RUNX1: variants seen among roughly 807,000 people sequenced by gnomAD.
RUNX1 encodes the protein RUNX family transcription factor 1.
Under a neutral mutation model 42.8 loss-of-function variants are expected in RUNX1, and 19 were observed. That is an observed-to-expected ratio of 0.44 (90% CI 0.31 to 0.65). RUNX1 has a LOEUF of 0.65. Ranked by LOEUF, RUNX1 falls within the 30% of genes least tolerant of loss-of-function variation. The probability of loss-of-function intolerance (pLI) is 0.07; values close to 1 mark genes in which losing one functional copy is unlikely to be tolerated. For missense variants in RUNX1, 528 were observed against 672.0 expected (o/e 0.79, Z 2.37); for synonymous variants, 271 against 289.4 (o/e 0.94, Z 0.64).
chr21:34,860,002 A>C (rs2057549704), intron 5 of RUNX1, among the ~76,000 whole-genome samples: 1 of 152,234 alleles, frequency 6.6e-6, no homozygotes, highest in Non-Finnish European at 1.5e-5. Context: ...TGTACCTTTG[A>C]AGATCAGGAA....
chr21:34,834,018 CGTGT>C (rs145016888), intron 7 of RUNX1: 69 of 355,738 alleles, frequency 1.9e-4, no homozygotes, highest in Non-Finnish European at 2.5e-4. Flanking sequence ...CTTTGCTTGA[CGTGT>C]GTGTGTGTGT....
intron 5 of RUNX1, among the ~76,000 whole-genome samples, chr21:34,867,907 C>G (rs1188156413): frequency 6.6e-6 from 1 of 152,198 alleles, no homozygotes; most frequent in Non-Finnish European, 1.5e-5. Context: ...TGGGGTCACA[C>G]AGGGCAAGTG....
At chr21:34,887,675 G>C in intron 3 of RUNX1, 1 of 1,073,970 alleles carries the variant, frequency 9.3e-7, no homozygotes, top group Non-Finnish European at 1.1e-6. Flanking sequence ...CAAAGGTAGT[G>C]CTACTAATGT....
At chr21:34,801,626 C>T (rs1329405733) in intron 7 of RUNX1, among the ~76,000 whole-genome samples, 4 of 152,160 alleles carry the variant, frequency 2.6e-5, no homozygotes, top group Non-Finnish European at 5.9e-5. Context: ...CCCTGAAGCC[C>T]ACCCAACCCC....
chr21:34,963,483 G>A (rs2058695900), intron 2 of RUNX1, among the ~76,000 whole-genome samples: 1 of 152,210 alleles, frequency 6.6e-6, no homozygotes, highest in African/African-American at 2.4e-5. Flanking sequence ...ATTGGTCACT[G>A]AACCTCAATG....
intron 2 of RUNX1, among the ~76,000 whole-genome samples, chr21:35,019,176 A>G (rs374258205): frequency 2.0e-5 from 3 of 152,098 alleles, no homozygotes; most frequent in East Asian, 3.9e-4. Context: ...GAAGTGATCC[A>G]CTCATCGTCC....
chr21:35,013,723 T>C (rs1400000349), intron 2 of RUNX1, among the ~76,000 whole-genome samples: 1 of 152,188 alleles, frequency 6.6e-6, no homozygotes, highest in Non-Finnish European at 1.5e-5. Context: ...CAGATGTCTA[T>C]TTCTAGGAAC....
chr21:34,826,175 T>G (rs752768427), intron 7 of RUNX1, among the ~76,000 whole-genome samples: 2 of 152,226 alleles, frequency 1.3e-5, no homozygotes, highest in Non-Finnish European at 2.9e-5. Context: ...TGTGGTGGTG[T>G]TGATGAGGCC....
At chr21:34,959,291 A>G (rs150102923) in intron 2 of RUNX1, among the ~76,000 whole-genome samples, 79 of 152,184 alleles carry the variant, frequency 5.2e-4, no homozygotes, top group African/African-American at 1.7e-3. Flanking sequence ...AAAGAAGTGC[A>G]CTGTGACTTT....
chr21:34,976,891 C>T (rs755653933), intron 2 of RUNX1, among the ~76,000 whole-genome samples: 26 of 152,008 alleles, frequency 1.7e-4, no homozygotes, highest in Admixed American at 3.9e-4. Context: ...GTGGATCTCA[C>T]AAAACATAGC....
chr21:34,837,808 C>T (rs1229981056), intron 6 of RUNX1, among the ~76,000 whole-genome samples: 2 of 152,052 alleles, frequency 1.3e-5, no homozygotes, highest in African/African-American at 2.4e-5. Flanking sequence ...GTTTACAGGG[C>T]GGTGCTTTAA....
chr21:34,919,411 G>A (rs974287808), intron 2 of RUNX1, among the ~76,000 whole-genome samples: 3 of 152,104 alleles, frequency 2.0e-5, no homozygotes, highest in African/African-American at 7.2e-5. Flanking sequence ...ACAGATAAGG[G>A]ACCCATCCCG....
intron 2 of RUNX1, among the ~76,000 whole-genome samples, chr21:34,910,159 A>C (rs1391890326): frequency 6.6e-6 from 1 of 152,240 alleles, no homozygotes; most frequent in Non-Finnish European, 1.5e-5. Context: ...CTGTCTTCCC[A>C]GTGGGTTCTC....
chr21:34,997,381 G>A (rs1026483865), intron 2 of RUNX1, among the ~76,000 whole-genome samples: 10 of 152,196 alleles, frequency 6.6e-5, no homozygotes, highest in African/African-American at 2.4e-4. Context: ...ATAGGGCAGT[G>A]TAATGCCTAT....
intron 2 of RUNX1, among the ~76,000 whole-genome samples, chr21:34,961,412 G>A (rs551542131): frequency 1.3e-5 from 2 of 151,962 alleles, no homozygotes; most frequent in East Asian, 3.9e-4. Context: ...CAGAAACAAG[G>A]ACATTCATAC....
At chr21:34,855,968 A>G (rs1316565268) in intron 6 of RUNX1, among the ~76,000 whole-genome samples, 1 of 152,196 alleles carries the variant, frequency 6.6e-6, no homozygotes, top group Non-Finnish European at 1.5e-5. Context: ...TTACTCTAAG[A>G]TATTTCTTAA....
At chr21:35,014,621 AGCC>A (rs758644649) in intron 2 of RUNX1, among the ~76,000 whole-genome samples, 2 of 152,196 alleles carry the variant, frequency 1.3e-5, no homozygotes, top group Non-Finnish European at 2.9e-5. Context: ...AAGCCAGGGG[AGCC>A]AGTAGAAACC....
At chr21:34,959,413 G>C (rs1481289291) in intron 2 of RUNX1, among the ~76,000 whole-genome samples, 2 of 152,090 alleles carry the variant, frequency 1.3e-5, no homozygotes, top group Non-Finnish European at 2.9e-5. Context: ...ATAGGATTCT[G>C]AGGATTACAC....
At chr21:34,849,844 T>G (rs1037772967) in intron 6 of RUNX1, among the ~76,000 whole-genome samples, 3 of 151,638 alleles carry the variant, frequency 2.0e-5, no homozygotes, top group African/African-American at 7.3e-5. Context: ...AAATTGCCTA[T>G]CAGCTCAAAT....
Sources: gnomAD v4.1 joint callset for allele counts (sites outside exome capture counted in the v4.1 genomes callset) on GRCh38, gnomAD v4.1.1 for gene constraint, MANE v1.5 for transcripts, NCBI Gene and HGNC (gene_info 2026-07-23, HGNC 2026-07-21) for gene names.